The following DLC1 variants were observed in gnomAD, a reference collection of about 807,000 sequenced individuals.
DLC1 encodes the protein DLC1 Rho GTPase activating protein, also known as rho GTPase-activating protein 7.
In DLC1, 54 loss-of-function variants were observed where a neutral mutation model predicts 140.3. The ratio of observed to expected loss-of-function variants is 0.38; its 90% CI spans 0.31 to 0.48. The LOEUF (loss-of-function observed/expected upper bound fraction) is 0.48. Among genes scored for constraint, DLC1 ranks in the 20% least tolerant of loss-of-function variants. The pLI is 0.96. For missense variants in DLC1, 2,536 were observed against 1,907.0 expected (o/e 1.33, Z -6.14); for synonymous variants, 986 against 728.1 (o/e 1.35, Z -5.70).
At chr8:13,263,835 A>T (rs1830568599) in intron 5 of DLC1, among the ~76,000 whole-genome samples, 1 of 151,646 alleles carries the variant, frequency 6.6e-6, no homozygotes, top group Non-Finnish European at 1.5e-5. Context: ...GCCATATAAG[A>T]TGTACATATC....
chr8:13,496,851 A>AGT (rs1801538064), intron 2 of DLC1, among the ~76,000 whole-genome samples: 1 of 118,340 alleles, frequency 8.5e-6, no homozygotes, highest in Non-Finnish European at 1.6e-5. Flanking sequence ...CCCAGGCTGG[A>AGT]GTGCAGTGGT....
At chr8:13,247,956 T>A (rs1370990830) in intron 5 of DLC1, among the ~76,000 whole-genome samples, 1 of 152,208 alleles carries the variant, frequency 6.6e-6, no homozygotes, top group African/African-American at 2.4e-5. Context: ...TAATAAACAA[T>A]ATGTAAATGA....
At chr8:13,231,196 C>A (rs1466668738) in intron 5 of DLC1, among the ~76,000 whole-genome samples, 2 of 151,590 alleles carry the variant, frequency 1.3e-5, no homozygotes, top group Non-Finnish European at 2.9e-5. Flanking sequence ...GCCTCAATGC[C>A]TTTTAAATCC....
intron 4 of DLC1, among the ~76,000 whole-genome samples, chr8:13,349,130 T>C (rs1373547979): frequency 6.6e-6 from 1 of 152,110 alleles, no homozygotes; most frequent in Non-Finnish European, 1.5e-5. Context: ...AGATAGGTTG[T>C]GGACCCAAGG....
intron 5 of DLC1, among the ~76,000 whole-genome samples, chr8:13,174,438 C>T (rs1825656299): frequency 6.6e-6 from 1 of 152,162 alleles, no homozygotes; most frequent in South Asian, 2.1e-4. Flanking sequence ...GAGAAATCTC[C>T]AAACCACTTT....
chr8:13,315,184 G>A (rs1262128334), intron 4 of DLC1, among the ~76,000 whole-genome samples: 1 of 152,162 alleles, frequency 6.6e-6, no homozygotes, highest in East Asian at 1.9e-4. Flanking sequence ...GGAGGCTGAG[G>A]CAGAAGGATC....
intron 5 of DLC1, among the ~76,000 whole-genome samples, chr8:13,184,871 C>G (rs1826255273): frequency 6.6e-6 from 1 of 152,088 alleles, no homozygotes; most frequent in African/African-American, 2.4e-5. Flanking sequence ...TTCTGACTCA[C>G]TGATTTGTTT....
intron 4 of DLC1, among the ~76,000 whole-genome samples, chr8:13,314,928 C>T (rs947451440): frequency 7.2e-5 from 11 of 152,064 alleles, no homozygotes; most frequent in Admixed American, 2.6e-4. Context: ...ATATATTATG[C>T]GTGGTCTAAC....
intron 2 of DLC1, among the ~76,000 whole-genome samples, chr8:13,473,974 G>C (rs1800323227): frequency 6.6e-6 from 1 of 152,220 alleles, no homozygotes; most frequent in Non-Finnish European, 1.5e-5. Context: ...TTTCCGAGGA[G>C]AAATTCAAGC....
At chr8:13,414,026 C>G (rs1016593410) in intron 2 of DLC1, among the ~76,000 whole-genome samples, 1 of 152,022 alleles carries the variant, frequency 6.6e-6, no homozygotes, top group East Asian at 1.9e-4. Context: ...AAAATAAACG[C>G]TTATTGAAAA....
intron 2 of DLC1, among the ~76,000 whole-genome samples, chr8:13,475,556 G>A (rs1191209035): frequency 1.3e-5 from 2 of 152,148 alleles, no homozygotes; most frequent in Non-Finnish European, 2.9e-5. Flanking sequence ...TCTGAATAGC[G>A]ACCATAGAAA....
At chr8:13,089,554 G>A (rs952543667) in intron 15 of DLC1, among the ~76,000 whole-genome samples, 1 of 152,066 alleles carries the variant, frequency 6.6e-6, no homozygotes, top group Non-Finnish European at 1.5e-5. Context: ...GAAACCGGGA[G>A]GCAGAGGTTG....
At position 13,345,202 on chromosome 8, in the gene DLC1, T is replaced by C. The variant is rs1004315636; in HGVS notation, c.1315-39900A>G. Among the ~76,000 whole-genome samples, 5 of 152,230 alleles carry C rather than the reference T, an allele frequency of 3.3e-5. 1 individual carries two copies. The highest frequency in any genetic ancestry group is 2.6e-4 in the Admixed American group (4 of 15,292). ...AGAATTGAATTCTATATGAGGAATA[T>C]AGAGGAAGCTTTAGGGATGGGACTT... On this transcript the variant is annotated intron_variant, in intron 4 of 17. Coordinates refer to ENST00000276297, the MANE Select transcript of DLC1 (RefSeq NM_182643.3).
intron 2 of DLC1, among the ~76,000 whole-genome samples, chr8:13,463,178 GA>G (rs1799753243): frequency 6.6e-6 from 1 of 151,790 alleles, no homozygotes; most frequent in Admixed American, 6.6e-5. Flanking sequence ...CTACACAACA[GA>G]CTTACCTATC....
chr8:13,389,711 A>C (rs1440115957), intron 4 of DLC1, among the ~76,000 whole-genome samples: 1 of 152,152 alleles, frequency 6.6e-6, no homozygotes, highest in Non-Finnish European at 1.5e-5. Flanking sequence ...CTTACTGAAA[A>C]ATAGGCACTT....
chr8:13,425,878 T>C, intron 2 of DLC1, among the ~76,000 whole-genome samples: 1 of 152,140 alleles, frequency 6.6e-6, no homozygotes, highest in South Asian at 2.1e-4. Flanking sequence ...GGGCTCAGGC[T>C]CAAGTGATTG....
At position 13,393,676 on chromosome 8, in the gene DLC1, A is replaced by G; in HGVS notation, c.1191T>C (p.Ser397=). The stretch of plus-strand genomic sequence containing the variant: ...CTGAAATGGTATCTGCTCCACTTTC[A>G]GATCCTGATTCCAGATCCTATTAAA... ...RRHVPDLESG[S]ESGADTISVN... The change falls in exon 4 of 18, where the codon TCT becomes TCC. Residue 397 remains serine (S), a synonymous_variant. Transcript: ENST00000276297. 6.2e-7 allele frequency: 1 copy of G among 1,613,882 alleles called. No individual in the cohort carries two copies. The highest frequency in any genetic ancestry group is 1.1e-5 in the South Asian group (1 of 91,026).
intron 5 of DLC1, among the ~76,000 whole-genome samples, chr8:13,180,776 A>G (rs1445399401): frequency 6.6e-6 from 1 of 152,212 alleles, no homozygotes; most frequent in Admixed American, 6.5e-5. Flanking sequence ...AAACCATCAC[A>G]TGAAATTAAG....
intron 5 of DLC1, among the ~76,000 whole-genome samples, chr8:13,181,212 C>T (rs979602732): frequency 9.2e-5 from 14 of 152,042 alleles, no homozygotes; most frequent in African/African-American, 3.1e-4. Context: ...TTTGCACTTA[C>T]TGTTTGCTCT....
Sources: allele counts gnomAD v4.1 joint callset (sites outside exome capture counted in the v4.1 genomes callset), GRCh38; gene constraint gnomAD v4.1.1; transcripts MANE v1.5; gene names NCBI Gene and HGNC (gene_info 2026-07-23, HGNC 2026-07-21).